BPIFA2: variants seen among roughly 807,000 people sequenced by gnomAD.
BPIFA2 encodes the protein BPI fold containing family A member 2, also known as BPI fold-containing family A member 2.
BPIFA2 carries 20 observed loss-of-function variants against 25.7 expected under a neutral mutation model. The ratio of observed to expected loss-of-function variants is 0.78; its 90% CI spans 0.55 to 1.13. The LOEUF (loss-of-function observed/expected upper bound fraction) is 1.13. BPIFA2 is among the 50% of genes most tolerant of loss of function. The probability of loss-of-function intolerance (pLI) is 0.00; values close to 1 mark genes in which losing one functional copy is unlikely to be tolerated. For synonymous variants in BPIFA2, 126 were observed against 124.3 expected, an observed-to-expected ratio of 1.01 and a Z score of -0.09; for missense variants, 300 against 298.1, an observed-to-expected ratio of 1.01 and a Z score of -0.05.
At chr20:33,163,134 CTCTG>C (rs1264286593) in intron 1 of BPIFA2, among the ~76,000 whole-genome samples, 2 of 152,162 alleles carry the variant, frequency 1.3e-5, no homozygotes, top group African/African-American at 4.8e-5. Context: ...AGGTGAGACG[CTCTG>C]TAAGTGTGTG....
Position 33,178,233 on chromosome 20 carries a change from G to A in BPIFA2, c.645+5G>A, listed in dbSNP as rs751959026. Reference sequence around the variant, plus strand: ...TCCTCCCTGCTGCAGAAGGAGGTGAGTCTCCCACTCCTTGGAGCCCAGATC... The same window carrying A: ...TCCTCCCTGCTGCAGAAGGAGGTGAATCTCCCACTCCTTGGAGCCCAGATC... On this transcript the variant is annotated splice_donor_5th_base_variant and intron_variant, in intron 6 of 8. Transcript: ENST00000354932. The A allele has an allele frequency of 1.9e-5, 30 of 1,576,398 alleles. No individual in the cohort carries two copies. Among genetic ancestry groups the A allele is most frequent in the Admixed American group, 5.1e-5 (3 of 59,266 alleles).
chr20:33,165,905 C>T (rs1195950743), upstream of BPIFA2, among the ~76,000 whole-genome samples: 1 of 152,098 alleles, frequency 6.6e-6, no homozygotes, highest in African/African-American at 2.4e-5. Context: ...TCAGACCAGC[C>T]AGCCTGAACC....
In BPIFA2 at chr20:33,170,790, A is replaced by G. The variant is rs373825821; in HGVS notation, c.157+1488A>G. 3.9e-5 allele frequency among the ~76,000 whole-genome samples: 6 copies of G among 152,212 alleles called. No individual in the cohort carries two copies. In the East Asian group the frequency reaches 9.6e-4, roughly 24 times the overall value. On this transcript the variant is annotated intron_variant, in intron 2 of 8. Transcript: ENST00000354932. ...AGAATTATTGCTTTCTTTTGGTGCA[A>G]CTGCTTTTGGTGTCATGAAGTCTTT...
chr20:33,178,845 T>A (rs1334289298), intron 6 of BPIFA2, among the ~76,000 whole-genome samples: 1 of 152,192 alleles, frequency 6.6e-6, no homozygotes, highest in Admixed American at 6.5e-5. Context: ...AGCTGGGTGC[T>A]TGATAGGAAT....
upstream of BPIFA2, among the ~76,000 whole-genome samples, chr20:33,166,284 T>C (rs1440396547): frequency 6.6e-6 from 1 of 152,190 alleles, no homozygotes; most frequent in African/African-American, 2.4e-5. Flanking sequence ...CCCAAAGTGC[T>C]GGGATTACAG....
chr20:33,174,540 GTGA>G (rs1984009889), intron 4 of BPIFA2, among the ~76,000 whole-genome samples: 1 of 152,176 alleles, frequency 6.6e-6, no homozygotes, highest in Admixed American at 6.5e-5. Context: ...CTAAGTTGCA[GTGA>G]CCACTACAGA....
intron 6 of BPIFA2, among the ~76,000 whole-genome samples, 198 bp from the exon 7 acceptor site, chr20:33,179,406 G>T (rs1355824835): frequency 6.6e-6 from 1 of 150,496 alleles, no homozygotes; most frequent in Non-Finnish European, 1.5e-5. Context: ...CTCCAGCCTG[G>T]GCAAGACAGT....
intron 2 of BPIFA2, among the ~76,000 whole-genome samples, chr20:33,172,302 C>T (rs1446713822): frequency 6.6e-6 from 1 of 152,100 alleles, no homozygotes; most frequent in Admixed American, 6.6e-5. Context: ...GGGCTTAAAA[C>T]CTAGATGACG....
upstream of BPIFA2, among the ~76,000 whole-genome samples, chr20:33,163,750 A>C (rs1438609680): frequency 6.6e-6 from 1 of 151,986 alleles, no homozygotes; most frequent in Non-Finnish European, 1.5e-5. Flanking sequence ...TGAATCCGGG[A>C]GGTGGAGGTT....
chr20:33,168,711 T>C (rs17124274), intron 1 of BPIFA2, among the ~76,000 whole-genome samples: 4,407 of 152,262 alleles, frequency 0.029, 191 homozygotes, highest in African/African-American at 0.098. Context: ...AGGGAAGTGT[T>C]ATCCAAGACC....
rs760819132 is a variant in BPIFA2, at chr20:33,172,952, G to A, written c.178G>A (p.Val60Ile). ...GGCAGGCATCCTTGAGAAACTGAAG[G>A]TCGACCTAGGAGTGCTTCAGAAATC... ...TLKGILEKLKVDLGVLQKSSA... is the reference protein window; with the variant it reads ...TLKGILEKLKIDLGVLQKSSA... The change falls in exon 3 of 9, where the codon GTC becomes ATC. Residue 60 changes from valine (V) to isoleucine (I), a missense_variant. By Grantham distance (29) the Val-to-Ile change is conservative. Coordinates refer to ENST00000354932, the MANE Select transcript of BPIFA2 (RefSeq NM_080574.4). 19 of 1,612,648 alleles carry A rather than the reference G, an allele frequency of 1.2e-5. No individual in the cohort carries two copies. The highest frequency in any genetic ancestry group is 1.5e-5 in the Non-Finnish European group (18 of 1,179,534).
At position 33,169,179 on chromosome 20, in the gene BPIFA2, G is replaced by T; in HGVS notation, c.34G>T (p.Gly12Cys). 1 of 1,614,114 alleles carries T rather than the reference G, an allele frequency of 6.2e-7. No individual in the cohort carries two copies. Among genetic ancestry groups the T allele is most frequent in the Non-Finnish European group, 8.5e-7 (1 of 1,179,980 alleles). The change falls in exon 2 of 9, where the codon GGC becomes TGC. Residue 12 changes from glycine to cysteine, a missense_variant. By Grantham distance (159) the Gly-to-Cys change is radical. Transcript: ENST00000354932. ...LQLWKLVLLC[G>C]VLTGTSESLL... ...GCTTTGGAAACTTGTTCTCCTGTGC[G>T]GCGTGCTCACTGGGACCTCAGAGTC... is the stretch of plus-strand genomic sequence containing the variant.
intron 5 of BPIFA2, among the ~76,000 whole-genome samples, chr20:33,176,164 C>A (rs1254927418): frequency 2.0e-5 from 3 of 152,206 alleles, no homozygotes; most frequent in African/African-American, 7.2e-5. Flanking sequence ...CAGATTGTCC[C>A]CAAATCATCC....
intron 5 of BPIFA2, 26 bp from the exon 6 acceptor site, chr20:33,178,121 C>T (rs186551834): frequency 1.3e-5 from 21 of 1,559,346 alleles, no homozygotes; most frequent in South Asian, 1.1e-4. Flanking sequence ...CTTGACCAGA[C>T]TTTAATAGTT....
chr20:33,178,725 A>G (rs6088131), intron 6 of BPIFA2, among the ~76,000 whole-genome samples: 152,301 of 152,308 alleles, frequency 1, 76,147 homozygotes, highest in Middle Eastern at 1. Context: ...TTCTGGAAGC[A>G]GACCCAGGAA....
intron 6 of BPIFA2, among the ~76,000 whole-genome samples, chr20:33,179,146 C>A (rs1286653673): frequency 6.6e-6 from 1 of 152,046 alleles, no homozygotes; most frequent in Non-Finnish European, 1.5e-5. Flanking sequence ...TCCTAAGGTT[C>A]AGGCCAGGCG....
intron 1 of BPIFA2, among the ~76,000 whole-genome samples, chr20:33,162,225 C>T (rs1015891669): frequency 6.6e-6 from 1 of 152,180 alleles, no homozygotes; most frequent in Non-Finnish European, 1.5e-5. Flanking sequence ...AGGTGATCCA[C>T]CCGCCTTGGC....
intron 6 of BPIFA2, among the ~76,000 whole-genome samples, chr20:33,178,461 C>A (rs1296665749): frequency 6.6e-6 from 1 of 152,192 alleles, no homozygotes; most frequent in Admixed American, 6.5e-5. Context: ...TCACCATATC[C>A]ACGCACTACC....
chr20:33,178,734 A>C (rs1333643976), intron 6 of BPIFA2, among the ~76,000 whole-genome samples: 1 of 152,206 alleles, frequency 6.6e-6, no homozygotes, highest in Admixed American at 6.5e-5. Context: ...CAGACCCAGG[A>C]ATGTGGGTTT....
Sources: allele counts gnomAD v4.1 joint callset (sites outside exome capture counted in the v4.1 genomes callset), GRCh38; gene constraint gnomAD v4.1.1; transcripts MANE v1.5; gene names NCBI Gene and HGNC (gene_info 2026-07-23, HGNC 2026-07-21).